Variants in MTDH observed in about 807,000 individuals in gnomAD.
MTDH encodes the protein metadherin.
Under a neutral mutation model 72.7 loss-of-function variants are expected in MTDH, and 34 were observed. The ratio of observed to expected loss-of-function variants is 0.47; its 90% CI spans 0.36 to 0.62. MTDH has a LOEUF of 0.62. Among genes scored for constraint, MTDH ranks in the 20% least tolerant of loss-of-function variants. MTDH has a pLI of 0.00. For synonymous variants in MTDH, 266 were observed against 268.9 expected, an observed-to-expected ratio of 0.99 and a Z score of 0.10; for missense variants, 677 against 699.4, an observed-to-expected ratio of 0.97 and a Z score of 0.36.
At chr8:97,699,694 T>G (rs1269740528) in intron 6 of MTDH, 60 bp from the exon 7 acceptor site, 1 of 1,155,550 alleles carries the variant, frequency 8.7e-7, no homozygotes, top group East Asian at 2.4e-5. Context: ...AGAACTATTG[T>G]TATGAAACAT....
chr8:97,719,675 C>T (rs1815029844), intron 10 of MTDH, among the ~76,000 whole-genome samples: 1 of 152,086 alleles, frequency 6.6e-6, no homozygotes, highest in South Asian at 2.1e-4. Context: ...ATAACTTGCC[C>T]AGAGTCATAT....
At chr8:97,722,798 C>T in intron 10 of MTDH, 81 bp from the exon 11 acceptor site, 3 of 1,396,242 alleles carry the variant, frequency 2.1e-6, no homozygotes, top group Non-Finnish European at 2.9e-6. Context: ...GCTGCTAAAC[C>T]ACCTCTTGGT....
intron 1 of MTDH, among the ~76,000 whole-genome samples, chr8:97,649,813 C>G (rs1195818847): frequency 1.3e-5 from 2 of 152,098 alleles, no homozygotes; most frequent in Non-Finnish European, 2.9e-5. Context: ...ATGTTGCCCA[C>G]GCATGGACTC....
chr8:97,656,400 G>A (rs1811977149), intron 1 of MTDH, among the ~76,000 whole-genome samples: 1 of 149,776 alleles, frequency 6.7e-6, no homozygotes, highest in African/African-American at 2.5e-5. Context: ...CGCATCCCAG[G>A]TTCAAGTGCT....
rs1390336835 is a variant in MTDH at position 97,729,356 on chromosome 8, A to G, written c.*4686A>G. 1.3e-5 allele frequency among the ~76,000 whole-genome samples: 2 copies of G among 152,208 alleles called. No individual in the cohort carries two copies. Among genetic ancestry groups the G allele is most frequent in the Admixed American group, 1.3e-4 (2 of 15,264 alleles). On this transcript the variant is annotated 3_prime_UTR_variant, in exon 12 of 12. Transcript: ENST00000336273. ...GAACACTTCTTGGAAGTTACACACA[A>G]TACATAAACTTCAATTTCAAACAGT...
rs569305303 is a variant in MTDH at position 97,695,915 on chromosome 8, G to A, written c.1049-3839G>A. Among the ~76,000 whole-genome samples the A allele has an allele frequency of 2.6e-5, 4 of 152,322 alleles. No individual in the cohort carries two copies. In the South Asian group the frequency reaches 6.2e-4, roughly 24 times the overall value. The stretch of plus-strand genomic sequence containing the variant: ...GCTTGGTATAGTGGAAAAGAGCATA[G>A]GCTTTGGGAATTGACTTAAGCTGCA... On this transcript the variant is annotated intron_variant, in intron 6 of 11. Transcript: ENST00000336273.
At chr8:97,675,579 ATT>A (rs56838022) in intron 2 of MTDH, among the ~76,000 whole-genome samples, 6 of 130,948 alleles carry the variant, frequency 4.6e-5, no homozygotes, top group South Asian at 2.3e-4. Context: ...AAAAAAAAAA[ATT>A]ACATTCAGGG....
At chr8:97,654,999 G>A (rs1018312386) in intron 1 of MTDH, among the ~76,000 whole-genome samples, 1 of 152,118 alleles carries the variant, frequency 6.6e-6, no homozygotes, top group African/African-American at 2.4e-5. Flanking sequence ...GGCTGAGGTG[G>A]GAAGATGGCT....
Position 97,729,109 on chromosome 8 carries a change from A to G in MTDH, c.*4439A>G, listed in dbSNP as rs7828883. ...TAAATTTTTTTTTTTTTTTTTTGGTAGAGATGAGGTCATTGCTATGTTGCC... is the reference window on the plus strand; with the variant it reads ...TAAATTTTTTTTTTTTTTTTTTGGTGGAGATGAGGTCATTGCTATGTTGCC... On this transcript the variant is annotated 3_prime_UTR_variant, in exon 12 of 12. Coordinates refer to ENST00000336273, the MANE Select transcript of MTDH (RefSeq NM_178812.4). Among the ~76,000 whole-genome samples, 4,892 of 144,318 alleles carry G rather than the reference A, an allele frequency of 0.034. 100 individuals are homozygous for G. The highest frequency in any genetic ancestry group is 0.055 in the Non-Finnish European group (3,675 of 66,502). The allele number at this position is 144,318 out of a possible 152,430, so 94.7% of individuals were successfully genotyped here. A position where few individuals can be genotyped will look rare whatever the true frequency, so the allele number is the denominator to read the frequency against.
intron 2 of MTDH, among the ~76,000 whole-genome samples, chr8:97,675,753 T>G (rs1812817885): frequency 6.7e-6 from 1 of 149,026 alleles, no homozygotes; most frequent in African/African-American, 2.5e-5. Flanking sequence ...ATGCCTGTAG[T>G]CCCAGCTCCT....
At chr8:97,695,369 C>G (rs1193760187) in intron 6 of MTDH, among the ~76,000 whole-genome samples, 5 of 152,090 alleles carry the variant, frequency 3.3e-5, no homozygotes, top group African/African-American at 2.4e-5. Flanking sequence ...GCCTCGGCCC[C>G]CCAAAATGCT....
intron 2 of MTDH, among the ~76,000 whole-genome samples, chr8:97,676,818 A>G (rs761674698): frequency 2.6e-5 from 4 of 151,826 alleles, no homozygotes; most frequent in African/African-American, 4.8e-5. Context: ...CCTGGCTAAC[A>G]TGGTGAAACC....
In MTDH at chr8:97,727,215, C is replaced by T. The variant is rs1586295855; in HGVS notation, c.*2545C>T. The T allele has an allele frequency of 6.6e-6, 1 of 151,792 alleles. No individual in the cohort carries two copies. Among genetic ancestry groups the T allele is most frequent in the East Asian group, 1.9e-4 (1 of 5,150 alleles). The allele number at this position is 151,792 out of a possible 1,614,324, so 9.4% of individuals were successfully genotyped here. A position where few individuals can be genotyped will look rare whatever the true frequency, so the allele number is the denominator to read the frequency against. On this transcript the variant is annotated 3_prime_UTR_variant, in exon 12 of 12. Coordinates refer to ENST00000336273, the MANE Select transcript of MTDH (RefSeq NM_178812.4). ...CATAGATCTTTATGTGACATAAAAA[C>T]AGTTTCTGGCACGGTGGCTCACGCC...
At chr8:97,696,618 A>G (rs1813842281) in intron 6 of MTDH, among the ~76,000 whole-genome samples, 2 of 152,284 alleles carry the variant, frequency 1.3e-5, no homozygotes, top group African/African-American at 2.4e-5. Flanking sequence ...TTTAGTTACA[A>G]TTTGACATTT....
rs766080801 is a variant in MTDH at position 97,699,845 on chromosome 8, T to C, written c.1140T>C (p.Ser380=). The change falls in exon 7 of 12, where the codon TCT becomes TCC. Residue 380 remains serine (S), a synonymous_variant. Transcript: ENST00000336273. ...RNQPYIDDEW[S]GLNGLSSADP... Reference sequence around the variant, plus strand: ...AACCCTATATCGATGATGAATGGTCTGGGTTAAGTATGTCCTTTTAAAAAT... The same window carrying C: ...AACCCTATATCGATGATGAATGGTCCGGGTTAAGTATGTCCTTTTAAAAAT... 51 of 1,606,006 alleles carry C rather than the reference T, an allele frequency of 3.2e-5. No homozygotes were observed. Among genetic ancestry groups the C allele is most frequent in the Non-Finnish European group, 4.3e-5 (51 of 1,173,400 alleles).
chr8:97,720,646 C>CTTTT (rs34801268), intron 10 of MTDH, among the ~76,000 whole-genome samples: 1 of 126,544 alleles, frequency 7.9e-6, no homozygotes, highest in African/African-American at 3.0e-5. Context: ...GTCTATTTGA[C>CTTTT]TTTTTTTTTT....
chr8:97,677,029 A>T (rs1267837647), intron 2 of MTDH, among the ~76,000 whole-genome samples: 1 of 144,908 alleles, frequency 6.9e-6, no homozygotes, highest in East Asian at 2.0e-4. Context: ...AAAAAAATAC[A>T]AAAATTAGCC....
intron 4 of MTDH, among the ~76,000 whole-genome samples, chr8:97,688,122 A>C (rs1259130531): frequency 6.6e-6 from 1 of 152,132 alleles, no homozygotes; most frequent in Non-Finnish European, 1.5e-5. Flanking sequence ...TCTTTCTCTC[A>C]AGTATTAATA....
intron 8 of MTDH, among the ~76,000 whole-genome samples, chr8:97,708,028 ATGCAATCTCAGCTCAC>A (rs1378404355): frequency 6.7e-6 from 1 of 150,176 alleles, no homozygotes; most frequent in Non-Finnish European, 1.5e-5. Context: ...GAGTTCAGTG[ATGCAATCTCAGCTCAC>A]TGCAATCTCT....
Sources: allele counts gnomAD v4.1 joint callset (sites outside exome capture counted in the v4.1 genomes callset), GRCh38; gene constraint gnomAD v4.1.1; transcripts MANE v1.5; gene names NCBI Gene and HGNC (gene_info 2026-07-23, HGNC 2026-07-21).